KCNQ4: variants seen among roughly 807,000 people sequenced by gnomAD.
KCNQ4 encodes potassium voltage-gated channel subfamily Q member 4, also known as potassium voltage-gated channel subfamily KQT member 4.
Under a neutral mutation model 72.6 loss-of-function variants are expected in KCNQ4, and 31 were observed. The ratio of observed to expected loss-of-function variants is 0.43; its 90% CI spans 0.32 to 0.58. KCNQ4 has a LOEUF of 0.58. Among genes scored for constraint, KCNQ4 ranks in the 20% least tolerant of loss-of-function variants. The probability of loss-of-function intolerance (pLI) is 0.08; values close to 1 mark genes in which losing one functional copy is unlikely to be tolerated. For missense variants in KCNQ4, 869 were observed against 962.6 expected (o/e 0.90, Z 1.29); for synonymous variants, 405 against 403.7 (o/e 1.00, Z -0.04).
At chr1:40,810,600 C>G (rs567838911) in intron 1 of KCNQ4, among the ~76,000 whole-genome samples, 52 of 152,308 alleles carry the variant, frequency 3.4e-4, no homozygotes, top group African/African-American at 1.2e-3. Context: ...CTGGCCTGGC[C>G]TCCCAGCAGC....
intron 1 of KCNQ4, among the ~76,000 whole-genome samples, chr1:40,814,989 C>G (rs1401282157): frequency 6.6e-6 from 1 of 151,974 alleles, no homozygotes; most frequent in African/African-American, 2.4e-5. Context: ...CGCCTGTAAT[C>G]CCAGCACTTT....
intron 9 of KCNQ4, among the ~76,000 whole-genome samples, chr1:40,828,632 G>A (rs1648551432): frequency 6.6e-6 from 1 of 152,188 alleles, no homozygotes; most frequent in Non-Finnish European, 1.5e-5. Flanking sequence ...ATATAAAATA[G>A]GGATGGTAAA....
intron 9 of KCNQ4, among the ~76,000 whole-genome samples, chr1:40,825,934 T>A (rs1221558341): frequency 6.6e-6 from 1 of 152,158 alleles, no homozygotes; most frequent in Non-Finnish European, 1.5e-5. Context: ...TGGCTGTCAC[T>A]GACTCCCAGC....
chr1:40,819,551 T>A, intron 5 of KCNQ4, 79 bp downstream of exon 5: 1 of 1,582,658 alleles, frequency 6.3e-7, no homozygotes, highest in Non-Finnish European at 8.6e-7. Flanking sequence ...CCATCGTGAC[T>A]CCTGACTCAG....
intron 1 of KCNQ4, among the ~76,000 whole-genome samples, chr1:40,786,590 C>A (rs985608469): frequency 3.9e-5 from 6 of 152,138 alleles, no homozygotes; most frequent in South Asian, 2.1e-4. Context: ...GAATTGGTCA[C>A]CCATCTTAGA....
At position 40,818,489 on chromosome 1, in the gene KCNQ4, GC is replaced by G; in HGVS notation, c.533-11del. On this transcript the variant is annotated splice_polypyrimidine_tract_variant and intron_variant, in intron 3 of 13. Coordinates refer to ENST00000347132, the MANE Select transcript of KCNQ4 (RefSeq NM_004700.4). ...GGGGTAGGCTGGCTGTGATCTCGCCGCCCCCGCCCCTGCAGACTTCATCGTG... is the reference window on the plus strand; with the variant it reads ...GGGGTAGGCTGGCTGTGATCTCGCCGCCCCGCCCCTGCAGACTTCATCGTG... The G allele has an allele frequency of 1.3e-6, 2 of 1,588,840 alleles. No homozygotes were observed.
In KCNQ4 at chr1:40,832,996, C is replaced by A; in HGVS notation, c.1514-18C>A. On this transcript the variant is annotated intron_variant, in intron 10 of 13. Transcript: ENST00000347132. ...TGGCCCCTTTGGTGGGCCACTTGCC[C>A]CATACCTGCCTTTTCAGATGCCCCC... The A allele has an allele frequency of 6.2e-7, 1 of 1,604,588 alleles. No individual in the cohort carries two copies. Among genetic ancestry groups the A allele is most frequent in the South Asian group, 1.1e-5 (1 of 90,924 alleles).
At chr1:40,785,253 G>A (rs923033959) in intron 1 of KCNQ4, among the ~76,000 whole-genome samples, 1 of 152,222 alleles carries the variant, frequency 6.6e-6, no homozygotes, top group East Asian at 1.9e-4. Flanking sequence ...GGTGTGAAGA[G>A]TGAATTTTGG....
At chr1:40,806,776 C>T (rs1047260630) in intron 1 of KCNQ4, among the ~76,000 whole-genome samples, 2 of 152,210 alleles carry the variant, frequency 1.3e-5, no homozygotes, top group Non-Finnish European at 2.9e-5. Context: ...GAGGTTCCAG[C>T]GTAGTGCAGT....
At chr1:40,814,708 A>ACAAAAC (rs58740390) in intron 1 of KCNQ4, among the ~76,000 whole-genome samples, 36,813 of 151,796 alleles carry the variant, frequency 0.24, 4,714 homozygotes, top group Middle Eastern at 0.3. Context: ...TGTCTCAAAA[A>ACAAAAC]AAAACAAAAC....
rs1648150110 is a variant in KCNQ4, at chr1:40,818,013, C to T, written c.406-151C>T. Reference sequence around the variant, plus strand: ...CAGGAGGCGGAGGGGGCCACCTGCCCTCCGGAATCGTCAAGTCCAGGAAAC... The same window carrying T: ...CAGGAGGCGGAGGGGGCCACCTGCCTTCCGGAATCGTCAAGTCCAGGAAAC... On this transcript the variant is annotated intron_variant, in intron 2 of 13. Transcript: ENST00000347132. 5.1e-6 allele frequency: 5 copies of T among 975,756 alleles called. No individual in the cohort carries two copies. The East Asian group carries it at 1.2e-4, about 24-fold the overall frequency. The allele number at this position is 975,756 out of a possible 1,614,324, so 60.4% of individuals were successfully genotyped here. A position where few individuals can be genotyped will look rare whatever the true frequency, so the allele number is the denominator to read the frequency against.
At chr1:40,785,599 T>C (rs1431304864) in intron 1 of KCNQ4, among the ~76,000 whole-genome samples, 1 of 152,064 alleles carries the variant, frequency 6.6e-6, no homozygotes, top group Non-Finnish European at 1.5e-5. Flanking sequence ...TCCGCAGTCC[T>C]TCTGCTTGCC....
At chr1:40,837,298 G>T (rs1260299883) in intron 12 of KCNQ4, among the ~76,000 whole-genome samples, 5 of 152,234 alleles carry the variant, frequency 3.3e-5, no homozygotes, top group African/African-American at 1.2e-4. Context: ...TTGCTATGTT[G>T]CCAAGTCTGT....
chr1:40,817,189 T>G lies in KCNQ4; in HGVS notation c.315-76T>G. The stretch of plus-strand genomic sequence containing the variant: ...ATAATGTTCTCCTCTCTTGGCTCTG[T>G]AACCCCCTGCCAGGGGCACCTTGGC... On this transcript the variant is annotated intron_variant, in intron 1 of 13. Transcript: ENST00000347132. This position sits in a 1 kb window ranked among gnomAD's most constrained non-coding sequence, Gnocchi z 5.5. 1 of 1,147,802 alleles carries G rather than the reference T, an allele frequency of 8.7e-7. No individual in the cohort carries two copies. Among genetic ancestry groups the G allele is most frequent in the East Asian group, 2.4e-5 (1 of 41,542 alleles). The allele number at this position is 1,147,802 out of a possible 1,614,324, so 71.1% of individuals were successfully genotyped here.
chr1:40,797,923 G>C (rs938272138), intron 1 of KCNQ4, among the ~76,000 whole-genome samples: 5 of 152,130 alleles, frequency 3.3e-5, no homozygotes, highest in African/African-American at 4.8e-5. Context: ...CGCCGAGGCT[G>C]TCTGGAAAGG....
chr1:40,819,158 G>T (rs1259784657), intron 4 of KCNQ4, among the ~76,000 whole-genome samples, 189 bp from the exon 5 acceptor site: 1 of 149,454 alleles, frequency 6.7e-6, no homozygotes, highest in African/African-American at 2.5e-5. Flanking sequence ...ATGGGGGTCG[G>T]GGTAGGGGGA....
Position 40,796,769 on chromosome 1 carries a change from T to G in KCNQ4, c.314+12362T>G, listed in dbSNP as rs79766340. Among the ~76,000 whole-genome samples the G allele has an allele frequency of 1.2e-3, 176 of 152,058 alleles. 2 individuals are homozygous for G. The East Asian group carries it at 0.028, about 24-fold the overall frequency. On this transcript the variant is annotated intron_variant, in intron 1 of 13. Coordinates refer to ENST00000347132, the MANE Select transcript of KCNQ4 (RefSeq NM_004700.4). ...CCGTCTCTACTGAAAATACAAAAAA[T>G]TATCTGGGTGTGATGGTGCGCACCT... is the stretch of plus-strand genomic sequence containing the variant.
At chr1:40,825,995 G>T (rs941464713) in intron 9 of KCNQ4, among the ~76,000 whole-genome samples, 2 of 152,194 alleles carry the variant, frequency 1.3e-5, no homozygotes, top group African/African-American at 4.8e-5. Context: ...GGGACACAGG[G>T]TGATGGTAGT....
chr1:40,833,174 C>A, intron 11 of KCNQ4, 61 bp downstream of exon 11: 1 of 1,266,254 alleles, frequency 7.9e-7, no homozygotes, highest in Non-Finnish European at 1.1e-6. Context: ...TGCTCCCCAT[C>A]TGGGCGGGTG....
Sources: allele counts gnomAD v4.1 joint callset (sites outside exome capture counted in the v4.1 genomes callset), GRCh38; gene constraint gnomAD v4.1.1; non-coding constraint Gnocchi (gnomAD v3.1); transcripts MANE v1.5; gene names NCBI Gene and HGNC (gene_info 2026-07-23, HGNC 2026-07-21).